The following TRAPPC10 variants were observed in gnomAD, a reference collection of about 807,000 sequenced individuals.
TRAPPC10 encodes TRAPP 130 kDa subunit.
TRAPPC10 carries 23 observed loss-of-function variants against 125.5 expected under a neutral mutation model. The observed-to-expected ratio is 0.18, with a 90% CI of 0.13 to 0.26. The LOEUF is 0.26. TRAPPC10 is among the 10% of genes least tolerant of loss of function. The probability of loss-of-function intolerance (pLI) is 1.00; values close to 1 mark genes in which losing one functional copy is unlikely to be tolerated. For synonymous variants in TRAPPC10, 509 were observed against 518.0 expected (o/e 0.98, Z 0.24); for missense variants, 1,123 against 1,308.4 (o/e 0.86, Z 2.19).
chr21:44,091,798 CTTAGCTTACT>C, intron 18 of TRAPPC10, 115 bp from the exon 19 acceptor site: 1 of 926,322 alleles, frequency 1.1e-6, no homozygotes. Context: ...TATGCAACAA[CTTAGCTTACT>C]TTGCTTTGTT....
At chr21:44,058,059 G>T (rs542985991) in intron 5 of TRAPPC10, among the ~76,000 whole-genome samples, 24 of 152,306 alleles carry the variant, frequency 1.6e-4, no homozygotes, top group African/African-American at 5.3e-4. Context: ...ATGCTGGGAC[G>T]CCGTCAGTGT....
At chr21:44,045,973 G>A (rs1215414155) in intron 3 of TRAPPC10, among the ~76,000 whole-genome samples, 1 of 150,184 alleles carries the variant, frequency 6.7e-6, no homozygotes, top group African/African-American at 2.5e-5. Flanking sequence ...TCTTTTTTGT[G>A]GGGGTGGATA....
Position 44,087,695 on chromosome 21 carries a change from G to A in TRAPPC10, c.2540-4G>A, listed in dbSNP as rs1431519209. The A allele has an allele frequency of 5.0e-6, 8 of 1,612,438 alleles. No homozygotes were observed. The highest frequency in any genetic ancestry group is 1.7e-5 in the Admixed American group (1 of 60,014). On this transcript the variant is annotated splice_region_variant and splice_polypyrimidine_tract_variant and intron_variant, in intron 16 of 22. Transcript: ENST00000291574. The surrounding 1 kb of genome is among the most constrained non-coding windows in gnomAD (Gnocchi z 4.6). ...TTTGAAGTGACTTTTTCTGTCCTTCGTAGAACAGTCTTCTGAGGCCGCGCT... is the reference window on the plus strand; with the variant it reads ...TTTGAAGTGACTTTTTCTGTCCTTCATAGAACAGTCTTCTGAGGCCGCGCT...
At chr21:44,014,856 G>A (rs1317547617) in intron 1 of TRAPPC10, among the ~76,000 whole-genome samples, 1 of 152,124 alleles carries the variant, frequency 6.6e-6, no homozygotes, top group African/African-American at 2.4e-5. Flanking sequence ...CTTGAAAAAT[G>A]ATCACTTTAA....
chr21:44,057,898 C>G (rs553073344), intron 5 of TRAPPC10, among the ~76,000 whole-genome samples: 1 of 152,292 alleles, frequency 6.6e-6, no homozygotes, highest in South Asian at 2.1e-4. Flanking sequence ...CTGACCATGT[C>G]AGGGGAGGTT....
Position 44,084,154 on chromosome 21 carries a change from G to C in TRAPPC10, c.2271G>C (p.Gln757His). The change falls in exon 15 of 23, where the codon CAG becomes CAC. Residue 757 changes from glutamine to histidine, a missense_variant. By Grantham distance (24) the Gln-to-His change is conservative. Transcript: ENST00000291574. ...AACCTGGAACGTATACACTCAGGCA[G>C]CTGTGCGCCTCGGTGGGCTCCGTGT... is the stretch of plus-strand genomic sequence containing the variant. ...AKEPGTYTLR[Q>H]LCASVGSVWF... The C allele has an allele frequency of 6.2e-7, 1 of 1,614,222 alleles. No individual in the cohort carries two copies. The highest frequency in any genetic ancestry group is 8.5e-7 in the Non-Finnish European group (1 of 1,180,032).
At chr21:44,019,175 A>G (rs1239939575) in intron 1 of TRAPPC10, among the ~76,000 whole-genome samples, 3 of 151,852 alleles carry the variant, frequency 2.0e-5, no homozygotes, top group African/African-American at 2.4e-5. Context: ...TCCCACCTCA[A>G]TCTCCCGAGT....
chr21:44,072,285 C>A (rs902035345), intron 7 of TRAPPC10, among the ~76,000 whole-genome samples: 3 of 152,232 alleles, frequency 2.0e-5, no homozygotes, highest in African/African-American at 7.2e-5. Flanking sequence ...CTCAGTTCAG[C>A]GCCTGGTCGC....
chr21:44,051,213 G>A (rs773216803), intron 3 of TRAPPC10, among the ~76,000 whole-genome samples: 3 of 152,184 alleles, frequency 2.0e-5, no homozygotes, highest in Non-Finnish European at 2.9e-5. Flanking sequence ...CAGGATTTAA[G>A]ATTTAACTCA....
At chr21:44,075,821 G>A (rs543079494) in intron 9 of TRAPPC10, among the ~76,000 whole-genome samples, 1 of 152,260 alleles carries the variant, frequency 6.6e-6, no homozygotes, top group African/African-American at 2.4e-5. Flanking sequence ...AGGCCGAGGT[G>A]GGCGGATCAC....
rs370795260 is a variant in TRAPPC10, at chr21:44,038,271, C to T, written c.285+344C>T. Among the ~76,000 whole-genome samples, 58 of 152,310 alleles carry T rather than the reference C, an allele frequency of 3.8e-4. 1 individual carries two copies. Among genetic ancestry groups the T allele is most frequent in the African/African-American group, 1.3e-3 (56 of 41,570 alleles). On this transcript the variant is annotated intron_variant, in intron 3 of 22. Coordinates refer to ENST00000291574, the MANE Select transcript of TRAPPC10 (RefSeq NM_003274.5). ...TGCTCACCGTGGCGCCGAGCGTGGT[C>T]GTGTTCCCATGTCTCCAGTCTTGTG...
intron 20 of TRAPPC10, 96 bp downstream of exon 20, chr21:44,094,329 C>A: frequency 8.3e-7 from 1 of 1,200,280 alleles, no homozygotes; most frequent in South Asian, 1.5e-5. Flanking sequence ...CAGCTTCTGT[C>A]AACATAATGA....
At chr21:44,078,763 G>A (rs2037461703) in intron 11 of TRAPPC10, among the ~76,000 whole-genome samples, 1 of 152,180 alleles carries the variant, frequency 6.6e-6, no homozygotes, top group African/African-American at 2.4e-5. Flanking sequence ...TGCTCCTGAG[G>A]CTTTGACAAG....
At chr21:44,040,865 C>T (rs1474076708) in intron 3 of TRAPPC10, among the ~76,000 whole-genome samples, 2 of 151,918 alleles carry the variant, frequency 1.3e-5, no homozygotes, top group Non-Finnish European at 1.5e-5. Flanking sequence ...ATCCTCCTGC[C>T]TCAGTCCCCT....
At chr21:44,032,061 G>A in intron 1 of TRAPPC10, 30 bp from the exon 2 acceptor site, 3 of 1,575,982 alleles carry the variant, frequency 1.9e-6, no homozygotes, top group Admixed American at 3.5e-5. Context: ...CTAAAAATAT[G>A]GTAACTGAAT....
chr21:44,083,687 G>C (rs1569211846), intron 14 of TRAPPC10, among the ~76,000 whole-genome samples: 1 of 152,128 alleles, frequency 6.6e-6, no homozygotes, highest in Admixed American at 6.5e-5. Flanking sequence ...GGCTGGCTGG[G>C]TGTCAAAACT....
chr21:44,065,260 C>T (rs1171892175), intron 7 of TRAPPC10, among the ~76,000 whole-genome samples: 1 of 152,088 alleles, frequency 6.6e-6, no homozygotes, highest in East Asian at 1.9e-4. Context: ...CTCTGGAGTT[C>T]CCTTGTAGCG....
intron 12 of TRAPPC10, 36 bp from the exon 13 acceptor site, chr21:44,079,979 A>G (rs775904948): frequency 1.3e-6 from 2 of 1,579,428 alleles, no homozygotes; most frequent in South Asian, 2.2e-5. Context: ...ACTCCTAAGT[A>G]TGAGCCTCTC....
chr21:44,053,547 C>T (rs2035369823), intron 4 of TRAPPC10, among the ~76,000 whole-genome samples: 1 of 152,214 alleles, frequency 6.6e-6, no homozygotes, highest in Admixed American at 6.5e-5. Flanking sequence ...ACTTTTCTAG[C>T]TCAAATGTTG....
Sources: gnomAD v4.1 joint callset for allele counts (sites outside exome capture counted in the v4.1 genomes callset) on GRCh38, gnomAD v4.1.1 for gene constraint, Gnocchi (gnomAD v3.1) non-coding constraint, MANE v1.5 for transcripts, NCBI Gene and HGNC (gene_info 2026-07-23, HGNC 2026-07-21) for gene names.